The following EFNA5 variants were observed in gnomAD, a reference collection of about 807,000 sequenced individuals.
EFNA5 encodes ephrin-A5.
A neutral mutation model predicts 22.9 loss-of-function variants in EFNA5; 5 were observed. The observed-to-expected ratio is 0.22, with a 90% CI of 0.11 to 0.46. EFNA5 has a LOEUF of 0.46. Among genes scored for constraint, EFNA5 ranks in the 20% least tolerant of loss-of-function variants. The pLI is 0.99. For synonymous variants in EFNA5, 113 were observed against 112.2 expected (o/e 1.01, Z -0.04); for missense variants, 237 against 293.3 (o/e 0.81, Z 1.40).
At chr5:107,555,391 T>C (rs951333025) in intron 1 of EFNA5, among the ~76,000 whole-genome samples, 9 of 152,264 alleles carry the variant, frequency 5.9e-5, no homozygotes, top group African/African-American at 1.2e-4. Context: ...TCCACTGTTA[T>C]ATGCCATTTT....
chr5:107,576,671 G>T (rs922861459), intron 1 of EFNA5, among the ~76,000 whole-genome samples: 1 of 152,176 alleles, frequency 6.6e-6, no homozygotes, highest in Admixed American at 6.5e-5. Flanking sequence ...TCATGTGAGA[G>T]GAAAACACAA....
At chr5:107,523,245 G>A (rs1452369821) in intron 1 of EFNA5, among the ~76,000 whole-genome samples, 2 of 151,888 alleles carry the variant, frequency 1.3e-5, no homozygotes, top group Admixed American at 6.6e-5. Flanking sequence ...ATCCAGAGTT[G>A]GGAAATAGCC....
At chr5:107,569,574 T>TATATATAA (rs1748748569) in intron 1 of EFNA5, among the ~76,000 whole-genome samples, 1 of 127,058 alleles carries the variant, frequency 7.9e-6, no homozygotes, top group Non-Finnish European at 1.6e-5. Flanking sequence ...TATATATATA[T>TATATATAA]ATATATATAT....
chr5:107,442,140 T>G (rs1749272151), intron 1 of EFNA5, among the ~76,000 whole-genome samples: 1 of 152,146 alleles, frequency 6.6e-6, no homozygotes. Flanking sequence ...ATTATATAAA[T>G]ATACACAGCA....
chr5:107,655,753 T>C (rs568583480), intron 1 of EFNA5, among the ~76,000 whole-genome samples: 142 of 152,286 alleles, frequency 9.3e-4, no homozygotes, highest in African/African-American at 3.2e-3. Flanking sequence ...AATAACCACC[T>C]GACAATGCTA....
intron 1 of EFNA5, among the ~76,000 whole-genome samples, chr5:107,633,026 T>A (rs761488740): frequency 3.3e-5 from 5 of 152,210 alleles, no homozygotes; most frequent in African/African-American, 4.8e-5. Flanking sequence ...AGATTTTTTT[T>A]TATTTCTTGC....
At chr5:107,540,656 G>A (rs1057301994) in intron 1 of EFNA5, among the ~76,000 whole-genome samples, 3 of 152,092 alleles carry the variant, frequency 2.0e-5, no homozygotes, top group Non-Finnish European at 2.9e-5. Flanking sequence ...GATGCTTTAG[G>A]AGTAAAAATT....
At chr5:107,394,466 C>G (rs1324114517) in intron 2 of EFNA5, among the ~76,000 whole-genome samples, 1 of 152,110 alleles carries the variant, frequency 6.6e-6, no homozygotes, top group African/African-American at 2.4e-5. Flanking sequence ...CACCACATAA[C>G]AAGAGGGATA....
chr5:107,477,849 T>C (rs1323493845), intron 1 of EFNA5, among the ~76,000 whole-genome samples: 6 of 152,178 alleles, frequency 3.9e-5, no homozygotes, highest in Non-Finnish European at 2.9e-5. Context: ...CAAATCAATA[T>C]ACCCTAAATC....
intron 2 of EFNA5, among the ~76,000 whole-genome samples, chr5:107,402,161 G>A (rs1046939627): frequency 6.6e-6 from 1 of 152,180 alleles, no homozygotes; most frequent in African/African-American, 2.4e-5. Flanking sequence ...GTAGGAGGAG[G>A]AGGAAGACTG....
chr5:107,429,270 T>C (rs1057125969), intron 1 of EFNA5, among the ~76,000 whole-genome samples: 2 of 152,122 alleles, frequency 1.3e-5, no homozygotes, highest in African/African-American at 2.4e-5. Context: ...TGGCGAAACC[T>C]TGTCTCTACT....
chr5:107,608,815 G>T (rs190823919), intron 1 of EFNA5, among the ~76,000 whole-genome samples: 1 of 152,160 alleles, frequency 6.6e-6, no homozygotes, highest in Non-Finnish European at 1.5e-5. Context: ...TGGTCCCAAC[G>T]CTCGGTTTAT....
chr5:107,447,245 A>G (rs1749421860), intron 1 of EFNA5, among the ~76,000 whole-genome samples: 1 of 141,518 alleles, frequency 7.1e-6, no homozygotes, highest in South Asian at 2.3e-4. Flanking sequence ...CAAAAGACTA[A>G]GTGTCTTCAC....
intron 1 of EFNA5, among the ~76,000 whole-genome samples, chr5:107,647,437 T>A (rs1750649487): frequency 6.6e-6 from 1 of 152,148 alleles, no homozygotes; most frequent in Admixed American, 6.5e-5. Flanking sequence ...TATCTTTCAA[T>A]GAAAATAGCT....
At chr5:107,540,505 T>A (rs996629489) in intron 1 of EFNA5, among the ~76,000 whole-genome samples, 1 of 152,172 alleles carries the variant, frequency 6.6e-6, no homozygotes, top group African/African-American at 2.4e-5. Context: ...GCAAAAAATA[T>A]GAGCAGATTG....
intron 1 of EFNA5, among the ~76,000 whole-genome samples, chr5:107,597,589 AG>A (rs549999448): frequency 6.6e-6 from 1 of 152,186 alleles, no homozygotes; most frequent in African/African-American, 2.4e-5. Flanking sequence ...GGCTAGAGAA[AG>A]GGGGGAGAGA....
rs558845508 is a variant in EFNA5, at chr5:107,611,641, T to C, written c.125+58848A>G. ...GGTTCTAATTGTGAATATGTGAATA[T>C]GACAGGACACAGAGCATGAGCTTAT... On this transcript the variant is annotated intron_variant, in intron 1 of 4. Coordinates refer to ENST00000333274, the MANE Select transcript of EFNA5 (RefSeq NM_001962.3). Among the ~76,000 whole-genome samples, 12 of 152,364 alleles carry C rather than the reference T, an allele frequency of 7.9e-5. 1 individual carries two copies. In the South Asian group the frequency reaches 2.1e-3, roughly 26 times the overall value.
chr5:107,483,851 A>T (rs575593805), intron 1 of EFNA5, among the ~76,000 whole-genome samples: 1 of 152,184 alleles, frequency 6.6e-6, no homozygotes, highest in African/African-American at 2.4e-5. Context: ...ATTATTATTC[A>T]TCTGGTGGGT....
intron 1 of EFNA5, among the ~76,000 whole-genome samples, chr5:107,499,495 G>A (rs1336092994): frequency 6.6e-6 from 1 of 152,190 alleles, no homozygotes; most frequent in South Asian, 2.1e-4. Flanking sequence ...GCAAGCTGTG[G>A]CCAAAGAATT....
Sources: allele counts gnomAD v4.1 joint callset (sites outside exome capture counted in the v4.1 genomes callset), GRCh38; gene constraint gnomAD v4.1.1; transcripts MANE v1.5; gene names NCBI Gene and HGNC (gene_info 2026-07-23, HGNC 2026-07-21).